The following ADCY5 variants were observed in gnomAD, a reference collection of about 807,000 sequenced individuals.
ADCY5 encodes adenylate cyclase type 5.
A neutral mutation model predicts 119.7 loss-of-function variants in ADCY5; 30 were observed. The observed-to-expected ratio is 0.25, with a 90% CI of 0.19 to 0.34. ADCY5 has a LOEUF of 0.34. ADCY5 is among the 10% of genes least tolerant of loss of function. The pLI, the probability that ADCY5 is intolerant of heterozygous loss-of-function variation, is 1.00. For missense variants in ADCY5, 1,324 were observed against 1,775.2 expected (o/e 0.75, Z 4.57); for synonymous variants, 753 against 762.2 (o/e 0.99, Z 0.20).
intron 1 of ADCY5, among the ~76,000 whole-genome samples, chr3:123,401,364 C>T (rs1016373797): frequency 2.0e-5 from 3 of 152,100 alleles, no homozygotes; most frequent in Admixed American, 6.5e-5. Flanking sequence ...CCAGCAGAGC[C>T]CCATCCAGAT....
At chr3:123,331,470 A>G (rs1332726506) in intron 4 of ADCY5, among the ~76,000 whole-genome samples, 2 of 152,216 alleles carry the variant, frequency 1.3e-5, no homozygotes, top group Non-Finnish European at 2.9e-5. Flanking sequence ...CTCCTTTTAC[A>G]AAAAGACTGA....
Position 123,448,591 on chromosome 3 carries a change from G to T in ADCY5, c.-46C>A. Reference sequence around the variant, plus strand: ...CTCCTTCCTCCTCCCCCGGAAGCCGGGCCGGGGGTCTCCAAGGGGAGGGCG... The same window carrying T: ...CTCCTTCCTCCTCCCCCGGAAGCCGTGCCGGGGGTCTCCAAGGGGAGGGCG... On this transcript the variant is annotated 5_prime_UTR_variant, in exon 1 of 21. Transcript: ENST00000462833. 6.3e-6 allele frequency: 8 copies of T among 1,266,852 alleles called. No homozygotes were observed. The highest frequency in any genetic ancestry group is 6.9e-6 in the Non-Finnish European group (7 of 1,008,392). The allele number at this position is 1,266,852 out of a possible 1,614,324, so 78.5% of individuals were successfully genotyped here.
At chr3:123,423,462 C>G (rs530977043) in intron 1 of ADCY5, among the ~76,000 whole-genome samples, 1 of 152,164 alleles carries the variant, frequency 6.6e-6, no homozygotes, top group Non-Finnish European at 1.5e-5. Flanking sequence ...CTTTAGGCGC[C>G]GAGGACTGGG....
At chr3:123,416,286 A>C (rs763653204) in intron 1 of ADCY5, 3 of 1,536,124 alleles carry the variant, frequency 2.0e-6, no homozygotes, top group Admixed American at 2.0e-5. Flanking sequence ...ACTTACTTCC[A>C]GACGCTTCCC....
chr3:123,434,457 C>G (rs551963463), intron 1 of ADCY5, among the ~76,000 whole-genome samples: 1 of 152,340 alleles, frequency 6.6e-6, no homozygotes, highest in East Asian at 1.9e-4. Flanking sequence ...CAGGATTACA[C>G]AGTCAGGGTT....
chr3:123,427,342 AC>A, intron 1 of ADCY5, among the ~76,000 whole-genome samples: 2 of 151,926 alleles, frequency 1.3e-5, no homozygotes, highest in Non-Finnish European at 2.9e-5. Context: ...CCTCCAACAA[AC>A]CCAAATGTAT....
chr3:123,319,913 G>A (rs1941130754), intron 9 of ADCY5, 95 bp from the exon 10 acceptor site: 1 of 1,502,948 alleles, frequency 6.7e-7, no homozygotes, highest in Admixed American at 1.9e-5. Context: ...CTCTCGGAGA[G>A]GCCTGGCAGC....
At chr3:123,333,117 G>A (rs1160774358) in intron 3 of ADCY5, among the ~76,000 whole-genome samples, 1 of 152,140 alleles carries the variant, frequency 6.6e-6, no homozygotes, top group Admixed American at 6.6e-5. Flanking sequence ...AAGATAATGA[G>A]GTCACAAGGG....
At chr3:123,424,987 G>A (rs570547000) in intron 1 of ADCY5, among the ~76,000 whole-genome samples, 4 of 152,342 alleles carry the variant, frequency 2.6e-5, no homozygotes, top group African/African-American at 9.6e-5. Context: ...CTTCAGCCAG[G>A]GTCAGGGTCT....
intron 1 of ADCY5, among the ~76,000 whole-genome samples, chr3:123,418,055 A>G (rs144399874): frequency 1.3e-5 from 2 of 152,298 alleles, no homozygotes; most frequent in Non-Finnish European, 2.9e-5. Context: ...ACTGTGCCCC[A>G]TCAGCAGGTC....
chr3:123,290,697 C>G (rs556680687), intron 18 of ADCY5, among the ~76,000 whole-genome samples: 4 of 152,332 alleles, frequency 2.6e-5, no homozygotes, highest in Non-Finnish European at 4.4e-5. Flanking sequence ...TTGGTTCTCT[C>G]AAAGCCCTGG....
At chr3:123,379,676 G>T in intron 1 of ADCY5, among the ~76,000 whole-genome samples, 1 of 151,816 alleles carries the variant, frequency 6.6e-6, no homozygotes, top group South Asian at 2.1e-4. Flanking sequence ...GCACAGAGCG[G>T]GGGTGGGTGT....
chr3:123,317,033 ATG>A (rs35488886), intron 11 of ADCY5, among the ~76,000 whole-genome samples: 99,070 of 151,196 alleles, frequency 0.66, 34,526 homozygotes, highest in Non-Finnish European at 0.8. Flanking sequence ...ACGTATATGT[ATG>A]TGTGTGTGTG....
At chr3:123,296,565 CA>C (rs924083229) in intron 16 of ADCY5, among the ~76,000 whole-genome samples, 7 of 152,204 alleles carry the variant, frequency 4.6e-5, no homozygotes, top group Non-Finnish European at 1.0e-4. Context: ...CTGGACAAGA[CA>C]GGGGCAGTGG....
chr3:123,441,437 G>A (rs1451046690), intron 1 of ADCY5, among the ~76,000 whole-genome samples: 1 of 152,148 alleles, frequency 6.6e-6, no homozygotes, highest in African/African-American at 2.4e-5. Flanking sequence ...CACTGACAGA[G>A]AGCTGGCTAC....
chr3:123,444,642 G>T (rs1258061002), intron 1 of ADCY5, among the ~76,000 whole-genome samples: 1 of 152,184 alleles, frequency 6.6e-6, no homozygotes, highest in Non-Finnish European at 1.5e-5. Context: ...CAAGGGCAGA[G>T]CCCCACACAT....
chr3:123,398,895 T>C (rs954884946), intron 1 of ADCY5, among the ~76,000 whole-genome samples: 3 of 152,210 alleles, frequency 2.0e-5, no homozygotes, highest in African/African-American at 7.2e-5. Flanking sequence ...TGCCTGTGGG[T>C]TCCAAATTTC....
intron 12 of ADCY5, among the ~76,000 whole-genome samples, chr3:123,306,069 G>C (rs373224397): frequency 1.3e-5 from 2 of 152,208 alleles, no homozygotes; most frequent in African/African-American, 4.8e-5. Context: ...CAAACACTGG[G>C]ATAATAAAGG....
At position 123,447,614 on chromosome 3, in the gene ADCY5, G is replaced by T; in HGVS notation, c.932C>A (p.Ala311Asp). ...ACYALIAVVLAVQVVGLLLPQ... is the reference protein window; with the variant it reads ...ACYALIAVVLDVQVVGLLLPQ... ...CAGCAGCAGGCCCACCACCTGGACGGCCAGCACCACGGCGATGAGCGCATA... is the reference window on the plus strand; with the variant it reads ...CAGCAGCAGGCCCACCACCTGGACGTCCAGCACCACGGCGATGAGCGCATA... The change falls in exon 1 of 21, where the codon GCC (alanine) becomes GAC (aspartate). Residue 311 changes from alanine (A) to aspartate (D), a missense_variant. Physicochemically the swap from Ala to Asp is moderately radical, Grantham distance 126. Transcript: ENST00000462833. 6.2e-7 allele frequency: 1 copy of T among 1,607,446 alleles called. No homozygotes were observed.
Sources: gnomAD v4.1 joint callset for allele counts (sites outside exome capture counted in the v4.1 genomes callset) on GRCh38, gnomAD v4.1.1 for gene constraint, MANE v1.5 for transcripts, NCBI Gene and HGNC (gene_info 2026-07-23, HGNC 2026-07-21) for gene names.